Variants in SKAP1 observed in about 807,000 individuals in gnomAD.
SKAP1 encodes src kinase associated phosphoprotein 1.
A neutral mutation model predicts 58.5 loss-of-function variants in SKAP1; 44 were observed. The ratio of observed to expected loss-of-function variants is 0.75; its 90% CI spans 0.59 to 0.97. SKAP1 has a LOEUF of 0.97. SKAP1 is among the 50% of genes least tolerant of loss of function. SKAP1 has a pLI of 0.00. For synonymous variants in SKAP1, 127 were observed against 149.7 expected (o/e 0.85, Z 1.11); for missense variants, 390 against 435.2 (o/e 0.90, Z 0.92).
intron 4 of SKAP1, among the ~76,000 whole-genome samples, chr17:48,253,625 C>A (rs2143890885): frequency 6.6e-6 from 1 of 152,278 alleles, no homozygotes; most frequent in South Asian, 2.1e-4. Flanking sequence ...CCGGACTCAT[C>A]TCTCCCCACT....
intron 4 of SKAP1, among the ~76,000 whole-genome samples, chr17:48,293,082 T>C (rs1439574629): frequency 6.6e-6 from 1 of 152,188 alleles, no homozygotes; most frequent in African/African-American, 2.4e-5. Flanking sequence ...AATCTACATT[T>C]GAGTTAGATT....
rs1177671071 is a variant in SKAP1 at position 48,184,851 on chromosome 17, C to A, written c.443-4G>T. ...AAGGTCCCTTTGGGCTGCTTGCCTG[C>A]AAGACAGGAAAGCTCCCTGTATCCC... On this transcript the variant is annotated splice_region_variant and splice_polypyrimidine_tract_variant and intron_variant, in intron 6 of 12. Transcript: ENST00000336915. The A allele has an allele frequency of 3.1e-6, 5 of 1,612,872 alleles. No individual in the cohort carries two copies. The highest frequency in any genetic ancestry group is 4.2e-6 in the Non-Finnish European group (5 of 1,179,408).
chr17:48,330,974 C>A (rs569852172), intron 4 of SKAP1, among the ~76,000 whole-genome samples: 3 of 152,238 alleles, frequency 2.0e-5, no homozygotes, highest in African/African-American at 7.2e-5. Flanking sequence ...AGGAGTGTAA[C>A]CTTAAAACCT....
At chr17:48,193,648 G>A in intron 4 of SKAP1, 1 of 977,170 alleles carries the variant, frequency 1.0e-6, no homozygotes, top group Non-Finnish European at 1.2e-6. Flanking sequence ...TGGCATGCAA[G>A]GTACCTCCTC....
chr17:48,390,169 A>G (rs1381197893), intron 2 of SKAP1, among the ~76,000 whole-genome samples: 1 of 152,192 alleles, frequency 6.6e-6, no homozygotes, highest in African/African-American at 2.4e-5. Context: ...GGCTGGGTCC[A>G]TATCAGAAAC....
intron 3 of SKAP1, among the ~76,000 whole-genome samples, chr17:48,351,432 T>TC (rs2066799496): frequency 1.3e-5 from 2 of 149,440 alleles, no homozygotes; most frequent in Admixed American, 6.7e-5. Flanking sequence ...CCTATCTCTC[T>TC]TTTTTTTTTC....
At chr17:48,243,945 TAAGAAAAAGA>T (rs1275123006) in intron 4 of SKAP1, among the ~76,000 whole-genome samples, 2 of 151,868 alleles carry the variant, frequency 1.3e-5, no homozygotes, top group African/African-American at 4.8e-5. Flanking sequence ...TCTCCTCCTC[TAAGAAAAAGA>T]AAGAAAAAAG....
chr17:48,436,516 T>C, the SKAP1 span, among the ~76,000 whole-genome samples: 1 of 152,152 alleles, frequency 6.6e-6, no homozygotes, highest in Non-Finnish European at 1.5e-5. Context: ...CACTCTTGTC[T>C]TGCCTCCTCT....
intron 11 of SKAP1, among the ~76,000 whole-genome samples, chr17:48,140,534 C>T (rs1163339444): frequency 6.6e-6 from 1 of 152,166 alleles, no homozygotes; most frequent in African/African-American, 2.4e-5. Flanking sequence ...GACCACAGCT[C>T]CACCCCAGGT....
upstream of SKAP1, among the ~76,000 whole-genome samples, chr17:48,432,792 G>A (rs1218967636): frequency 6.6e-6 from 1 of 152,182 alleles, no homozygotes; most frequent in Non-Finnish European, 1.5e-5. Context: ...AGGATATGGT[G>A]TCACATACTA....
At chr17:48,236,865 A>G (rs2065186443) in intron 4 of SKAP1, among the ~76,000 whole-genome samples, 1 of 152,214 alleles carries the variant, frequency 6.6e-6, no homozygotes, top group South Asian at 2.1e-4. Flanking sequence ...AAATAGTAAT[A>G]TCTACTCTAT....
At chr17:48,244,531 C>T (rs2065274537) in intron 4 of SKAP1, among the ~76,000 whole-genome samples, 1 of 152,134 alleles carries the variant, frequency 6.6e-6, no homozygotes, top group Non-Finnish European at 1.5e-5. Context: ...TCATAAATAC[C>T]TCTCACTCAA....
At chr17:48,222,343 C>T (rs1307447551) in intron 4 of SKAP1, among the ~76,000 whole-genome samples, 2 of 152,176 alleles carry the variant, frequency 1.3e-5, no homozygotes, top group Non-Finnish European at 2.9e-5. Flanking sequence ...CTCCTACACT[C>T]TTTCTGTCTC....
intron 1 of SKAP1, among the ~76,000 whole-genome samples, chr17:48,408,243 CT>C (rs2067614928): frequency 6.6e-6 from 1 of 151,922 alleles, no homozygotes; most frequent in African/African-American, 2.4e-5. Flanking sequence ...TGAAAAGTTG[CT>C]GAGAAAAATA....
At chr17:48,392,234 TATATC>T (rs760322846) in intron 2 of SKAP1, among the ~76,000 whole-genome samples, 6 of 152,244 alleles carry the variant, frequency 3.9e-5, no homozygotes, top group Non-Finnish European at 7.3e-5. Flanking sequence ...ATTTTACTAG[TATATC>T]ATGTTTCACA....
intron 4 of SKAP1, among the ~76,000 whole-genome samples, chr17:48,274,395 C>CA (rs1038555696): frequency 3.2e-4 from 47 of 146,994 alleles, no homozygotes; most frequent in Admixed American, 8.1e-4. Context: ...GACTCTGCAT[C>CA]AAAAAAAAAA....
chr17:48,341,730 T>G (rs2066655973), intron 4 of SKAP1, among the ~76,000 whole-genome samples: 2 of 152,176 alleles, frequency 1.3e-5, no homozygotes, highest in Admixed American at 1.3e-4. Flanking sequence ...CCTTTTCCAG[T>G]TGTTTCTCAT....
chr17:48,225,023 G>T (rs1257063895), intron 4 of SKAP1, among the ~76,000 whole-genome samples: 2 of 152,174 alleles, frequency 1.3e-5, no homozygotes, highest in Non-Finnish European at 2.9e-5. Context: ...AATAACTATA[G>T]GGGGCAGAAA....
chr17:48,140,901 C>T (rs2063759332), intron 11 of SKAP1, among the ~76,000 whole-genome samples: 1 of 151,844 alleles, frequency 6.6e-6, no homozygotes, highest in Non-Finnish European at 1.5e-5. Context: ...ATTCTCCTGC[C>T]TCAGCCTCCC....
Sources: allele counts gnomAD v4.1 joint callset (sites outside exome capture counted in the v4.1 genomes callset), GRCh38; gene constraint gnomAD v4.1.1; transcripts MANE v1.5; gene names NCBI Gene and HGNC (gene_info 2026-07-23, HGNC 2026-07-21).